Variants in ERCC3 observed in about 807,000 individuals in gnomAD.
ERCC3 encodes general transcription and DNA repair factor IIH helicase/translocase subunit XPB.
ERCC3 carries 66 observed loss-of-function variants against 94.2 expected under a neutral mutation model. That is an observed-to-expected ratio of 0.70 (90% CI 0.57 to 0.86). ERCC3 has a LOEUF of 0.86. Ranked by LOEUF, ERCC3 falls within the 40% of genes least tolerant of loss-of-function variation. The pLI, the probability that ERCC3 is intolerant of heterozygous loss-of-function variation, is 0.00. For missense variants in ERCC3, 829 were observed against 987.1 expected (o/e 0.84, Z 2.15); for synonymous variants, 349 against 369.1 (o/e 0.95, Z 0.63).
chr2:127,275,464 T>G (rs1684707016), intron 10 of ERCC3, among the ~76,000 whole-genome samples: 1 of 152,144 alleles, frequency 6.6e-6, no homozygotes, highest in Non-Finnish European at 1.5e-5. Flanking sequence ...ACAGCCACAA[T>G]CTGCTGCCCT....
rs1319331703 is a variant in ERCC3 at position 127,279,178 on chromosome 2, C to T, written c.1725G>A (p.Leu575=). 7 of 1,607,520 alleles carry T rather than the reference C, an allele frequency of 4.4e-6. No individual in the cohort carries two copies. The highest frequency in any genetic ancestry group is 5.1e-6 in the Non-Finnish European group (6 of 1,174,206). Residue 575 remains leucine, a synonymous_variant, in exon 10 of 15, where the codon CTG becomes CTA. Transcript: ENST00000285398. This position sits in a 1 kb window ranked among gnomAD's most constrained non-coding sequence, Gnocchi z 4.7. ...TCCAAGTTTTCAATTCTTACTTGTT[C>T]AGTCGAATGGCATATTCCTTTAGGG... The part of the protein sequence containing the change: ...VFALKEYAIR[L]NKPYIYGPTS...
In ERCC3 at chr2:127,291,894, T is replaced by G; in HGVS notation, c.471+716A>C. The stretch of plus-strand genomic sequence containing the variant: ...ATTGGTCTCCTGCAGATACTTAGCT[T>G]TAGACAGAGTTTACCACCTGTGTTA... On this transcript the variant is annotated intron_variant, in intron 3 of 14. Coordinates refer to ENST00000285398, the MANE Select transcript of ERCC3 (RefSeq NM_000122.2). The surrounding 1 kb of genome is among the most constrained non-coding windows in gnomAD (Gnocchi z 4.9). 1 of 154,818 alleles carries G rather than the reference T, an allele frequency of 6.5e-6. No homozygotes were observed. The highest frequency in any genetic ancestry group is 1.4e-5 in the Non-Finnish European group (1 of 69,616). 9.6% of individuals were successfully genotyped at this position (154,818 alleles called of 1,614,324 possible). A position where few individuals can be genotyped will look rare whatever the true frequency, so the allele number is the denominator to read the frequency against.
In ERCC3 at chr2:127,290,145, C is replaced by G. The variant is rs762844214; in HGVS notation, c.521+79G>C. 117 of 1,125,454 alleles carry G rather than the reference C, an allele frequency of 1.0e-4. No individual in the cohort carries two copies. In the African/African-American group the frequency reaches 1.1e-3, roughly 11 times the overall value. The allele number at this position is 1,125,454 out of a possible 1,614,324, so 69.7% of individuals were successfully genotyped here. A position where few individuals can be genotyped will look rare whatever the true frequency, so the allele number is the denominator to read the frequency against. On this transcript the variant is annotated intron_variant, in intron 4 of 14. Transcript: ENST00000285398. ...AGAAAAGACAGCATAAACATCAGGT[C>G]CTTCCCATATCCCTTTATTCCTGCT...
Position 127,257,721 on chromosome 2 carries a change from G to A in ERCC3, c.2224C>T (p.Arg742Trp), listed in dbSNP as rs368664230. ...EFGSRSSQAS[R>W]RFGTMSSMSG... ...ATAGAACTCATGGTGCCAAAGCGCC[G>A]AGATGCCTGCCGGGAAGGGGGAACC... is the stretch of plus-strand genomic sequence containing the variant. The change falls in exon 15 of 15, where the codon CGG (arginine) becomes TGG (tryptophan). Residue 742 changes from arginine (R) to tryptophan (W), a missense_variant. Arg to Trp is a moderately radical substitution (Grantham distance 101). Coordinates refer to ENST00000285398, the MANE Select transcript of ERCC3 (RefSeq NM_000122.2). The surrounding 1 kb of genome is among the most constrained non-coding windows in gnomAD (Gnocchi z 5.4). 188 of 1,614,084 alleles carry A rather than the reference G, an allele frequency of 1.2e-4. No homozygotes were observed. The highest frequency in any genetic ancestry group is 1.4e-4 in the Non-Finnish European group (161 of 1,180,044).
rs1305929616 is a variant in ERCC3 at position 127,280,059 on chromosome 2, G to A, written c.1527+388C>T. On this transcript the variant is annotated intron_variant, in intron 9 of 14. Transcript: ENST00000285398. This position sits in a 1 kb window ranked among gnomAD's most constrained non-coding sequence, Gnocchi z 6.3. Reference sequence around the variant, plus strand: ...TTCACACACTTCCCAGCAGGGCTGGGAGCATATCAGTTAGGCGCTTGGGGC... The same window carrying A: ...TTCACACACTTCCCAGCAGGGCTGGAAGCATATCAGTTAGGCGCTTGGGGC... Among the ~76,000 whole-genome samples the A allele has an allele frequency of 1.3e-5, 2 of 152,160 alleles. No homozygotes were observed. The highest frequency in any genetic ancestry group is 2.1e-4 in the South Asian group (1 of 4,826).
Position 127,261,338 on chromosome 2 carries a change from C to A in ERCC3, c.1954G>T (p.Ala652Ser), listed in dbSNP as rs201793642. Reference protein sequence around the residue: ...RVLRAKKGMVAEEYNAFFYSL... With the variant: ...RVLRAKKGMVSEEYNAFFYSL... The stretch of plus-strand genomic sequence containing the variant: ...TAGAAAAAGGCATTGTACTCTTCTG[C>A]AACCATCCCTGCAGGAAAAAATGAG... The change falls in exon 13 of 15, where the codon GCA becomes TCA. Residue 652 changes from alanine (A) to serine (S), a missense_variant. Coordinates refer to ENST00000285398, the MANE Select transcript of ERCC3 (RefSeq NM_000122.2). The A allele has an allele frequency of 6.3e-7, 1 of 1,591,652 alleles. No individual in the cohort carries two copies. Among genetic ancestry groups the A allele is most frequent in the African/African-American group, 1.3e-5 (1 of 74,560 alleles).
At position 127,278,084 on chromosome 2, in the gene ERCC3, A is replaced by T. The variant is rs558735244; in HGVS notation, c.1730+1089T>A. Among the ~76,000 whole-genome samples, 4 of 152,094 alleles carry T rather than the reference A, an allele frequency of 2.6e-5. No individual in the cohort carries two copies. The South Asian group carries it at 8.3e-4, about 32-fold the overall frequency. ...GCAAAACCCCATCTCTACAAAAAAC[A>T]AAAATTAGCTGGGTGTGGTGGTGCG... is the stretch of plus-strand genomic sequence containing the variant. On this transcript the variant is annotated intron_variant, in intron 10 of 14. Transcript: ENST00000285398.
At chr2:127,289,194 A>T in intron 6 of ERCC3, 143 bp downstream of exon 6, 1 of 763,848 alleles carries the variant, frequency 1.3e-6, no homozygotes, top group Non-Finnish European at 2.3e-6. Flanking sequence ...CATGGCTCAC[A>T]GATAATAAAA....
chr2:127,287,696 C>A (rs986997587), intron 7 of ERCC3, among the ~76,000 whole-genome samples: 5 of 152,124 alleles, frequency 3.3e-5, no homozygotes, highest in East Asian at 3.8e-4. Context: ...CCCACAGCCA[C>A]GGGACAGTGA....
chr2:127,272,211 G>C (rs927942971), intron 11 of ERCC3, among the ~76,000 whole-genome samples: 1 of 151,842 alleles, frequency 6.6e-6, no homozygotes, highest in Non-Finnish European at 1.5e-5. Flanking sequence ...TTTTAGTAGA[G>C]ACAGGGTTTC....
chr2:127,269,357 A>C (rs1309316321), intron 12 of ERCC3, among the ~76,000 whole-genome samples: 3 of 152,132 alleles, frequency 2.0e-5, no homozygotes, highest in Non-Finnish European at 4.4e-5. Context: ...TCAGAGATGC[A>C]AAGAAAGGAG....
In ERCC3 at chr2:127,279,280, A is replaced by G; in HGVS notation, c.1623T>C (p.Phe541=). ...ACTTGATCAGAAACTGGCAAGCTCT[A>G]AATTTGTTGGGGTTCATGGTGTACA... is the stretch of plus-strand genomic sequence containing the variant. ...ILLYTMNPNK[F]RACQFLIKFH... is the part of the protein sequence containing the mutation. Residue 541 remains phenylalanine (F), a synonymous_variant, in exon 10 of 15, where the codon TTT becomes TTC. Transcript: ENST00000285398. The surrounding 1 kb of genome is among the most constrained non-coding windows in gnomAD (Gnocchi z 4.7). The G allele has an allele frequency of 1.2e-6, 2 of 1,613,886 alleles. No individual in the cohort carries two copies. The highest frequency in any genetic ancestry group is 1.7e-6 in the Non-Finnish European group (2 of 1,179,750).
Position 127,264,002 on chromosome 2 carries a change from G to A in ERCC3, c.1946-2656C>T, listed in dbSNP as rs1031553402. On this transcript the variant is annotated intron_variant, in intron 12 of 14. Coordinates refer to ENST00000285398, the MANE Select transcript of ERCC3 (RefSeq NM_000122.2). The surrounding 1 kb of genome is among the most constrained non-coding windows in gnomAD (Gnocchi z 4.4). ...TCGGATTACAGGCAAGAGCCACCGT[G>A]CCCGGCTGTCTTGTTCCAGTTCTTA... Among the ~76,000 whole-genome samples, 2 of 152,144 alleles carry A rather than the reference G, an allele frequency of 1.3e-5. No homozygotes were observed. Among genetic ancestry groups the A allele is most frequent in the Admixed American group, 6.5e-5 (1 of 15,276 alleles).
intron 12 of ERCC3, among the ~76,000 whole-genome samples, chr2:127,269,547 G>A (rs949912567): frequency 2.7e-5 from 4 of 148,524 alleles, no homozygotes; most frequent in East Asian, 2.1e-4. Context: ...TCAGCCTCCC[G>A]AGTAGCTGGG....
At chr2:127,286,142 G>A (rs1259356629) in intron 8 of ERCC3, among the ~76,000 whole-genome samples, 1 of 152,076 alleles carries the variant, frequency 6.6e-6, no homozygotes, top group East Asian at 1.9e-4. Flanking sequence ...ATTAAAAAAC[G>A]GATGAAGCTG....
chr2:127,267,857 A>T (rs115256903), intron 12 of ERCC3, among the ~76,000 whole-genome samples: 1,609 of 152,192 alleles, frequency 0.011, 23 homozygotes, highest in African/African-American at 0.036. Flanking sequence ...TTCTTTGCTC[A>T]TGTAGCTTAG....
chr2:127,266,763 T>C (rs1156409194), intron 12 of ERCC3, among the ~76,000 whole-genome samples: 1 of 145,718 alleles, frequency 6.9e-6, no homozygotes, highest in African/African-American at 2.6e-5. Context: ...TTCCCCAGGC[T>C]GGAGTGCAGT....
At chr2:127,270,575 C>T (rs1684515155) in intron 12 of ERCC3, among the ~76,000 whole-genome samples, 1 of 152,190 alleles carries the variant, frequency 6.6e-6, no homozygotes. Context: ...CCAACAGATG[C>T]CCACTAATCT....
intron 13 of ERCC3, 32 bp downstream of exon 13, chr2:127,261,196 C>T (rs771388157): frequency 3.0e-6 from 4 of 1,311,658 alleles, no homozygotes; most frequent in Middle Eastern, 1.8e-4. Flanking sequence ...GGCCTTGGTC[C>T]TAGTCTAACC....
Sources: allele counts gnomAD v4.1 joint callset (sites outside exome capture counted in the v4.1 genomes callset), GRCh38; gene constraint gnomAD v4.1.1; non-coding constraint Gnocchi (gnomAD v3.1); transcripts MANE v1.5; gene names NCBI Gene and HGNC (gene_info 2026-07-23, HGNC 2026-07-21).